Variants in MRPS5 observed in about 807,000 individuals in gnomAD.
MRPS5 encodes the protein small ribosomal subunit protein uS5m.
A neutral mutation model predicts 51.9 loss-of-function variants in MRPS5; 27 were observed. The observed-to-expected ratio is 0.52, with a 90% CI of 0.38 to 0.72. The LOEUF (loss-of-function observed/expected upper bound fraction) is 0.72, where lower values mean the gene tolerates loss of function less well. MRPS5 is among the 30% of genes least tolerant of loss of function. The probability of loss-of-function intolerance (pLI) is 0.00; values close to 1 mark genes in which losing one functional copy is unlikely to be tolerated. For synonymous variants in MRPS5, 196 were observed against 193.2 expected, an observed-to-expected ratio of 1.01 and a Z score of -0.12; for missense variants, 570 against 545.7, an observed-to-expected ratio of 1.04 and a Z score of -0.44.
chr2:95,121,744 G>A lies in MRPS5; in HGVS notation c.48C>T (p.Ser16=), dbSNP rs1676460454. 6.4e-7 allele frequency: 1 copy of A among 1,551,022 alleles called. No individual in the cohort carries two copies. Residue 16 remains serine (S), a synonymous_variant, in exon 1 of 12, where the codon AGC becomes AGT. Coordinates refer to ENST00000272418, the MANE Select transcript of MRPS5 (RefSeq NM_031902.5). The part of the protein sequence containing the change: ...RAVGCLPVLC[S]GTAGHLLGRQ... Reference sequence around the variant, plus strand: ...CGTCCCAGCTCTCACCTGCCGTCCCGCTACACAGCACGGGGAGGCAGCCCA... The same window carrying A: ...CGTCCCAGCTCTCACCTGCCGTCCCACTACACAGCACGGGGAGGCAGCCCA...
Position 95,108,208 on chromosome 2 carries a change from T to C in MRPS5, c.604A>G (p.Ser202Gly). 1.9e-6 allele frequency: 3 copies of C among 1,614,232 alleles called. No homozygotes were observed. Among genetic ancestry groups the C allele is most frequent in the Non-Finnish European group, 2.5e-6 (3 of 1,180,034 alleles). ...GGACCAGGGTCAGGGGGGCCAAGAC[T>C]GATGCCTCCCCATGAGTTTCCACTC... Reference protein sequence around the residue: ...GWSGNSWGGISLGPPDPGPCG... With the variant: ...GWSGNSWGGIGLGPPDPGPCG... Residue 202 changes from serine to glycine, a missense_variant, in exon 5 of 12, where the codon AGT becomes GGT. Ser to Gly is a moderately conservative substitution (Grantham distance 56). Transcript: ENST00000272418.
intron 1 of MRPS5, 27 bp from the exon 2 acceptor site, chr2:95,117,972 A>C: frequency 1.3e-6 from 2 of 1,543,200 alleles, no homozygotes; most frequent in African/African-American, 1.4e-5. Flanking sequence ...AAAAAATTTA[A>C]GATACATTTC....
chr2:95,099,821 T>A lies in MRPS5; in HGVS notation c.931+653A>T, dbSNP rs143277660. ...CAACGTTGTATTAGAAGCTTTGATA[T>A]GAAATTTTAAATATAATGTTTCATC... On this transcript the variant is annotated intron_variant, in intron 10 of 11. Coordinates refer to ENST00000272418, the MANE Select transcript of MRPS5 (RefSeq NM_031902.5). Among the ~76,000 whole-genome samples, 649 of 152,352 alleles carry A rather than the reference T, an allele frequency of 4.3e-3. 12 individuals are homozygous for A. The highest frequency in any genetic ancestry group is 0.015 in the African/African-American group (619 of 41,594).
At chr2:95,100,414 A>C (rs553094269) in intron 10 of MRPS5, 60 bp downstream of exon 10, 36 of 1,259,622 alleles carry the variant, frequency 2.9e-5, no homozygotes, top group Non-Finnish European at 3.9e-5. Flanking sequence ...AGAGGAGAGG[A>C]TAGAACTGTT....
chr2:95,114,985 T>G, intron 3 of MRPS5, 81 bp downstream of exon 3: 2 of 1,273,630 alleles, frequency 1.6e-6, no homozygotes, highest in South Asian at 3.7e-5. Flanking sequence ...TCTTAATTCA[T>G]GTAAAAAAGA....
Position 95,090,815 on chromosome 2 carries a change from T to C in MRPS5, c.932-293A>G, listed in dbSNP as rs1217187804. The C allele has an allele frequency of 2.2e-5, 7 of 321,738 alleles. No homozygotes were observed. The East Asian group carries it at 3.7e-4, about 17-fold the overall frequency. The allele number at this position is 321,738 out of a possible 1,614,324, so 19.9% of individuals were successfully genotyped here. On this transcript the variant is annotated intron_variant, in intron 10 of 11. Coordinates refer to ENST00000272418, the MANE Select transcript of MRPS5 (RefSeq NM_031902.5). Reference sequence around the variant, plus strand: ...GATTAATAAACATGCATGAAAATTCTTGGCACCCCAGACTCATTTAACTAA... The same window carrying C: ...GATTAATAAACATGCATGAAAATTCCTGGCACCCCAGACTCATTTAACTAA...
chr2:95,099,340 C>CAT (rs1415951992), intron 10 of MRPS5, among the ~76,000 whole-genome samples: 1 of 151,808 alleles, frequency 6.6e-6, no homozygotes, highest in Non-Finnish European at 1.5e-5. Flanking sequence ...AAGCAGAAGC[C>CAT]ATATATATAA....
chr2:95,089,403 T>C (rs1238379770), intron 11 of MRPS5, among the ~76,000 whole-genome samples: 4 of 152,206 alleles, frequency 2.6e-5, no homozygotes, highest in African/African-American at 9.7e-5. Flanking sequence ...ATGGAGCCTA[T>C]TGAACCTGGT....
Position 95,104,632 on chromosome 2 carries a change from C to G in MRPS5, c.763+8G>C. Reference sequence around the variant, plus strand: ...ACCGCCACTGTGATGCCATCACTCCCCATTCACCTGCAGCTCCTTTTCCGT... The same window carrying G: ...ACCGCCACTGTGATGCCATCACTCCGCATTCACCTGCAGCTCCTTTTCCGT... On this transcript the variant is annotated splice_region_variant and intron_variant, in intron 7 of 11. Transcript: ENST00000272418. 1.2e-6 allele frequency: 2 copies of G among 1,613,968 alleles called. No individual in the cohort carries two copies. Among genetic ancestry groups the G allele is most frequent in the African/African-American group, 2.7e-5 (2 of 75,044 alleles).
chr2:95,114,537 C>T (rs1472694229), intron 3 of MRPS5, among the ~76,000 whole-genome samples: 1 of 152,162 alleles, frequency 6.6e-6, no homozygotes, highest in Non-Finnish European at 1.5e-5. Flanking sequence ...TCCCAAAGTG[C>T]TGGGATTACA....
chr2:95,101,582 G>A, intron 8 of MRPS5, 95 bp downstream of exon 8: 1 of 1,019,008 alleles, frequency 9.8e-7, no homozygotes. Context: ...GAAGGTTCTG[G>A]GACAAATTAT....
chr2:95,090,403 G>A lies in MRPS5; in HGVS notation c.1051C>T (p.Arg351Cys), dbSNP rs762570404. Residue 351 changes from arginine (R) to cysteine (C), a missense_variant, in exon 11 of 12, where the codon CGT (arginine) becomes TGT (cysteine). Coordinates refer to ENST00000272418, the MANE Select transcript of MRPS5 (RefSeq NM_031902.5). ...NMLSLTQGLFRGLSRQETHQQ... is the reference protein window; with the variant it reads ...NMLSLTQGLFCGLSRQETHQQ... The stretch of plus-strand genomic sequence containing the variant: ...AGGATTACCTGTCTGGAGAGCCCAC[G>A]GAAGAGGCCCTGGGTGAGGCTGAGC... 1.8e-5 allele frequency: 29 copies of A among 1,613,582 alleles called. No homozygotes were observed. Among genetic ancestry groups the A allele is most frequent in the Non-Finnish European group, 2.2e-5 (26 of 1,179,932 alleles).
chr2:95,108,470 T>C (rs1164064351), intron 4 of MRPS5, 62 bp from the exon 5 acceptor site: 3 of 1,305,738 alleles, frequency 2.3e-6, no homozygotes, highest in Non-Finnish European at 3.2e-6. Context: ...AGTGTTAAAA[T>C]GTCAGGCAAT....
chr2:95,101,230 A>G (rs781604872), intron 8 of MRPS5, among the ~76,000 whole-genome samples: 1 of 151,970 alleles, frequency 6.6e-6, no homozygotes, highest in Non-Finnish European at 1.5e-5. Flanking sequence ...CCAAAAATAC[A>G]AAAGTTAGCC....
chr2:95,101,454 A>G (rs1409049380), intron 8 of MRPS5, among the ~76,000 whole-genome samples: 1 of 152,128 alleles, frequency 6.6e-6, no homozygotes, highest in Non-Finnish European at 1.5e-5. Context: ...AACTTCCACA[A>G]TTGTCTCATA....
rs1676251143 is a variant in MRPS5, at chr2:95,115,198, A to G, written c.145T>C (p.Leu49=). The G allele has an allele frequency of 6.3e-7, 1 of 1,598,698 alleles. No homozygotes were observed. ...AWKSVLGNGH[L]SSLGTRDTHP... ...GTGTCTCTGGTTCCCAGTGATGACA[A>G]ATGGCCTGTAGGCAGATGGGTTAAA... is the stretch of plus-strand genomic sequence containing the variant. The change falls in exon 3 of 12, where the codon TTG becomes CTG. Residue 49 remains leucine (L), a synonymous_variant. Transcript: ENST00000272418.
At chr2:95,113,725 G>C (rs1452958794) in intron 3 of MRPS5, among the ~76,000 whole-genome samples, 2 of 152,010 alleles carry the variant, frequency 1.3e-5, no homozygotes, top group Non-Finnish European at 2.9e-5. Context: ...TGACCTACTA[G>C]GAGACTTCCA....
intron 11 of MRPS5, among the ~76,000 whole-genome samples, chr2:95,087,929 G>A (rs1382267313): frequency 6.9e-6 from 1 of 145,336 alleles, no homozygotes; most frequent in Non-Finnish European, 1.5e-5. Context: ...AAATATAGGG[G>A]AGATAAGACA....
At chr2:95,100,432 C>A in intron 10 of MRPS5, 42 bp downstream of exon 10, 3 of 1,432,858 alleles carry the variant, frequency 2.1e-6, no homozygotes, top group Non-Finnish European at 2.9e-6. Flanking sequence ...GTTATAATTT[C>A]TCTGCTTTAT....
Sources: gnomAD v4.1 joint callset for allele counts (sites outside exome capture counted in the v4.1 genomes callset) on GRCh38, gnomAD v4.1.1 for gene constraint, MANE v1.5 for transcripts, NCBI Gene and HGNC (gene_info 2026-07-23, HGNC 2026-07-21) for gene names.